Variants in METTL8 observed in about 807,000 individuals in gnomAD.
The protein encoded by METTL8 is tRNA N(3)-cytidine methyltransferase METTL8, mitochondrial.
A neutral mutation model predicts 48.7 loss-of-function variants in METTL8; 32 were observed. That is an observed-to-expected ratio of 0.66 (90% CI 0.50 to 0.88). The LOEUF (loss-of-function observed/expected upper bound fraction) is 0.88. Among genes scored for constraint, METTL8 ranks in the 40% least tolerant of loss-of-function variants. The probability of loss-of-function intolerance (pLI) is 0.00; values close to 1 mark genes in which losing one functional copy is unlikely to be tolerated. For missense variants in METTL8, 464 were observed against 474.4 expected, an observed-to-expected ratio of 0.98 and a Z score of 0.20; for synonymous variants, 136 against 157.1, an observed-to-expected ratio of 0.87 and a Z score of 1.01.
chr2:171,318,976 T>G lies in METTL8; in HGVS notation c.*5196A>C, dbSNP rs891430175. Reference sequence around the variant, plus strand: ...TATCATCAAAATGAATTCCTAGGAGTTTGAGGATTAAATAATGTGTATAGT... The same window carrying G: ...TATCATCAAAATGAATTCCTAGGAGGTTGAGGATTAAATAATGTGTATAGT... On this transcript the variant is annotated 3_prime_UTR_variant, in exon 10 of 10. Transcript: ENST00000375258. 1 of 151,820 alleles carries G rather than the reference T, an allele frequency of 6.6e-6. No homozygotes were observed. Among genetic ancestry groups the G allele is most frequent in the African/African-American group, 2.4e-5 (1 of 41,284 alleles). The allele number at this position is 151,820 out of a possible 1,614,324, so 9.4% of individuals were successfully genotyped here.
At position 171,412,405 on chromosome 2, in the gene METTL8, T is replaced by C. The variant is rs138007716; in HGVS notation, c.-12-20208A>G. Reference sequence around the variant, plus strand: ...CTTCCCAGCCAGACTTGCTCTCAGATTTCACTGGCCAGAATTTGGTCACAA... The same window carrying C: ...CTTCCCAGCCAGACTTGCTCTCAGACTTCACTGGCCAGAATTTGGTCACAA... On this transcript the variant is annotated intron_variant, in intron 1 of 9. Transcript: ENST00000375258. 2.0e-3 allele frequency among the ~76,000 whole-genome samples: 308 copies of C among 152,308 alleles called. 3 individuals are homozygous for C. Among genetic ancestry groups the C allele is most frequent in the African/African-American group, 6.9e-3 (286 of 41,560 alleles).
At chr2:171,329,288 G>A (rs1226436494) in intron 7 of METTL8, among the ~76,000 whole-genome samples, 2 of 152,212 alleles carry the variant, frequency 1.3e-5, no homozygotes, top group Non-Finnish European at 2.9e-5. Context: ...ACTGCACCTG[G>A]CCTTTCTCTT....
At chr2:171,406,599 C>T (rs1186356532) in intron 1 of METTL8, among the ~76,000 whole-genome samples, 2 of 152,120 alleles carry the variant, frequency 1.3e-5, no homozygotes, top group Non-Finnish European at 2.9e-5. Flanking sequence ...TGAATTAGGG[C>T]CTCACTCCTA....
intron 2 of METTL8, among the ~76,000 whole-genome samples, chr2:171,363,759 T>G (rs1013573751): frequency 1.7e-4 from 25 of 143,672 alleles, no homozygotes; most frequent in Admixed American, 2.8e-4. Context: ...AAAGTATTTA[T>G]AAAATGAGGT....
At chr2:171,416,396 C>G (rs1407758337) in intron 1 of METTL8, among the ~76,000 whole-genome samples, 1 of 152,212 alleles carries the variant, frequency 6.6e-6, no homozygotes, top group African/African-American at 2.4e-5. Context: ...CCTCAAACTG[C>G]CACCTCAAAC....
intron 1 of METTL8, among the ~76,000 whole-genome samples, chr2:171,408,324 C>T (rs1279275654): frequency 7.4e-5 from 10 of 134,928 alleles, no homozygotes; most frequent in Admixed American, 2.3e-4. Flanking sequence ...GATGGAGTTT[C>T]ACTCTTGTTC....
rs1209337240 is a variant in METTL8 at position 171,326,413 on chromosome 2, T to C, written c.861-265A>G. 3 of 363,714 alleles carry C rather than the reference T, an allele frequency of 8.2e-6. No homozygotes were observed. In the Admixed American group the frequency reaches 1.3e-4, roughly 16 times the overall value. 22.5% of individuals were successfully genotyped at this position (363,714 alleles called of 1,614,324 possible). On this transcript the variant is annotated intron_variant, in intron 7 of 9. Coordinates refer to ENST00000375258, the MANE Select transcript of METTL8 (RefSeq NM_001321154.2). ...TGGTAACTTCACAGAGCTTGACGTA[T>C]GATGTCAAAGCTAAACTTCAAAACC...
chr2:171,350,183 A>T (rs1033340112), intron 3 of METTL8, among the ~76,000 whole-genome samples: 5 of 152,096 alleles, frequency 3.3e-5, no homozygotes, highest in African/African-American at 4.8e-5. Context: ...CCATTGTTCA[A>T]TTCCCACCTA....
intron 1 of METTL8, among the ~76,000 whole-genome samples, chr2:171,417,263 C>T (rs1333937166): frequency 6.6e-6 from 1 of 152,132 alleles, no homozygotes; most frequent in East Asian, 1.9e-4. Flanking sequence ...TCTTTATAAT[C>T]TCGATGATTT....
intron 1 of METTL8, among the ~76,000 whole-genome samples, chr2:171,392,989 C>CA (rs1286791404): frequency 6.6e-6 from 1 of 151,656 alleles, no homozygotes; most frequent in Non-Finnish European, 1.5e-5. Context: ...CCTGTAATCC[C>CA]AGCTACTTGG....
At chr2:171,372,814 C>T (rs960890523) in intron 2 of METTL8, among the ~76,000 whole-genome samples, 2 of 152,164 alleles carry the variant, frequency 1.3e-5, no homozygotes, top group Non-Finnish European at 2.9e-5. Flanking sequence ...GACATGAACT[C>T]ATCTTTTTTT....
chr2:171,398,440 G>A (rs1277757442), intron 1 of METTL8, among the ~76,000 whole-genome samples: 1 of 152,142 alleles, frequency 6.6e-6, no homozygotes, highest in Non-Finnish European at 1.5e-5. Context: ...TCTTATATGA[G>A]GTTCCTAGAG....
At chr2:171,355,707 C>T (rs537511594) in intron 3 of METTL8, among the ~76,000 whole-genome samples, 8 of 152,294 alleles carry the variant, frequency 5.3e-5, no homozygotes, top group Admixed American at 2.6e-4. Flanking sequence ...CCTTGCAGTT[C>T]GATCTCAGAC....
Position 171,315,765 on chromosome 2 carries a change from T to G in METTL8, c.*8407A>C, listed in dbSNP as rs1186012900. Among the ~76,000 whole-genome samples, 1 of 152,186 alleles carries G rather than the reference T, an allele frequency of 6.6e-6. No individual in the cohort carries two copies. Among genetic ancestry groups the G allele is most frequent in the East Asian group, 1.9e-4 (1 of 5,196 alleles). ...ATACAGTTACATAACTAGAATAAAA[T>G]TTAATGTAAATGTGCCAAAGAGGAG... On this transcript the variant is annotated 3_prime_UTR_variant, in exon 10 of 10. Coordinates refer to ENST00000375258, the MANE Select transcript of METTL8 (RefSeq NM_001321154.2).
intron 7 of METTL8, chr2:171,326,409 C>T (rs1684963019): frequency 2.7e-6 from 1 of 364,962 alleles, no homozygotes; most frequent in Non-Finnish European, 4.8e-6. Flanking sequence ...CAGAGCTTGA[C>T]GTATGATGTC....
chr2:171,348,355 A>T (rs187209244), intron 3 of METTL8, among the ~76,000 whole-genome samples: 1 of 152,200 alleles, frequency 6.6e-6, no homozygotes, highest in African/African-American at 2.4e-5. Context: ...CAACACTGTG[A>T]CTATAGCTCA....
chr2:171,417,737 T>C (rs555393357), intron 1 of METTL8, among the ~76,000 whole-genome samples: 1 of 152,370 alleles, frequency 6.6e-6, no homozygotes, highest in South Asian at 2.1e-4. Context: ...TTTATAAAAA[T>C]GTTACAGATA....
chr2:171,392,965 G>A (rs1191431825), intron 1 of METTL8, among the ~76,000 whole-genome samples: 1 of 151,404 alleles, frequency 6.6e-6, no homozygotes, highest in Non-Finnish European at 1.5e-5. Context: ...AATTATCCAG[G>A]AGTGATGTGA....
chr2:171,400,111 T>A (rs1227510267), intron 1 of METTL8, among the ~76,000 whole-genome samples: 1 of 152,096 alleles, frequency 6.6e-6, no homozygotes, highest in Non-Finnish European at 1.5e-5. Flanking sequence ...CAGTATATTA[T>A]CTTATTTAGC....
Sources: allele counts gnomAD v4.1 joint callset (sites outside exome capture counted in the v4.1 genomes callset), GRCh38; gene constraint gnomAD v4.1.1; transcripts MANE v1.5; gene names NCBI Gene and HGNC (gene_info 2026-07-23, HGNC 2026-07-21).